The following KLHL14 variants were observed in gnomAD, a reference collection of about 807,000 sequenced individuals.
KLHL14 encodes the protein kelch-like protein 14.
KLHL14 carries 22 observed loss-of-function variants against 64.3 expected under a neutral mutation model. The ratio of observed to expected loss-of-function variants is 0.34; its 90% CI spans 0.24 to 0.49. The LOEUF (loss-of-function observed/expected upper bound fraction) is 0.49. Among genes scored for constraint, KLHL14 ranks in the 20% least tolerant of loss-of-function variants. The pLI, the probability that KLHL14 is intolerant of heterozygous loss-of-function variation, is 0.99. For synonymous variants in KLHL14, 322 were observed against 333.4 expected (o/e 0.97, Z 0.37); for missense variants, 661 against 789.0 (o/e 0.84, Z 1.94).
intron 3 of KLHL14, among the ~76,000 whole-genome samples, chr18:32,697,570 G>A (rs1459381172): frequency 2.0e-5 from 3 of 151,816 alleles, no homozygotes; most frequent in African/African-American, 4.8e-5. Context: ...AATGAAAAAC[G>A]GTATTATCTT....
At chr18:32,761,569 G>GA (rs569091343) in intron 2 of KLHL14, among the ~76,000 whole-genome samples, 95 of 152,166 alleles carry the variant, frequency 6.2e-4, no homozygotes, top group Non-Finnish European at 1.0e-3. Flanking sequence ...TTGTTGCAGA[G>GA]AAAGTCTTCT....
chr18:32,771,805 G>C lies in KLHL14; in HGVS notation c.-44+862C>G, dbSNP rs1382279312. Among the ~76,000 whole-genome samples the C allele has an allele frequency of 2.6e-5, 4 of 151,360 alleles. No individual in the cohort carries two copies. The South Asian group carries it at 8.4e-4, about 32-fold the overall frequency. On this transcript the variant is annotated intron_variant, in intron 1 of 8. Transcript: ENST00000359358. ...GGTGGGGGCTGTCGAACGAGCGGGG[G>C]GGCGGGGGAGCAGTGGGGTGCGGGG... is the stretch of plus-strand genomic sequence containing the variant.
chr18:32,727,264 G>A (rs1314505004), intron 3 of KLHL14, among the ~76,000 whole-genome samples: 1 of 152,216 alleles, frequency 6.6e-6, no homozygotes, highest in Non-Finnish European at 1.5e-5. Flanking sequence ...ACTCTGCCTA[G>A]CAAAAGTACT....
chr18:32,708,618 C>T (rs1189011633), intron 3 of KLHL14, among the ~76,000 whole-genome samples: 1 of 152,188 alleles, frequency 6.6e-6, no homozygotes, highest in Non-Finnish European at 1.5e-5. Context: ...TAGAGCACCC[C>T]ACTACCTGAC....
chr18:32,698,033 T>C (rs1054086031), intron 3 of KLHL14, among the ~76,000 whole-genome samples: 1 of 152,236 alleles, frequency 6.6e-6, no homozygotes, highest in Admixed American at 6.5e-5. Context: ...TTATTCTGAA[T>C]GTAAAACTCT....
chr18:32,751,050 G>A (rs1441288860), intron 2 of KLHL14, among the ~76,000 whole-genome samples: 1 of 152,142 alleles, frequency 6.6e-6, no homozygotes, highest in Non-Finnish European at 1.5e-5. Context: ...GTCCAGATCT[G>A]GAAAAATGTG....
In KLHL14 at chr18:32,698,133, A is replaced by G. The variant is rs570164102; in HGVS notation, c.1070-2581T>C. Among the ~76,000 whole-genome samples, 283 of 152,340 alleles carry G rather than the reference A, an allele frequency of 1.9e-3. 1 individual carries two copies. The highest frequency in any genetic ancestry group is 6.4e-3 in the African/African-American group (268 of 41,574). On this transcript the variant is annotated intron_variant, in intron 3 of 8. Coordinates refer to ENST00000359358, the MANE Select transcript of KLHL14 (RefSeq NM_020805.3). ...TTTGACTTCTGATTAAGCCCAAAGAAAAGCAAAATAAATAGGGTAGTGAAC... is the reference window on the plus strand; with the variant it reads ...TTTGACTTCTGATTAAGCCCAAAGAGAAGCAAAATAAATAGGGTAGTGAAC...
intron 3 of KLHL14, among the ~76,000 whole-genome samples, chr18:32,718,688 A>G (rs2050058597): frequency 6.6e-6 from 1 of 152,254 alleles, no homozygotes; most frequent in East Asian, 1.9e-4. Context: ...TTTCTTTTAC[A>G]CAGAAAGCAA....
chr18:32,694,292 A>ACT (rs2049926622), intron 4 of KLHL14, among the ~76,000 whole-genome samples: 1 of 152,242 alleles, frequency 6.6e-6, no homozygotes, highest in Admixed American at 6.5e-5. Flanking sequence ...TTCCAGTTCA[A>ACT]ATCACATCTA....
At chr18:32,733,836 T>C (rs1296161874) in intron 3 of KLHL14, 2 of 253,784 alleles carry the variant, frequency 7.9e-6, no homozygotes, top group African/African-American at 4.3e-5. Context: ...CTTCATAATG[T>C]CTATTTGGTA....
Position 32,770,219 on chromosome 18 carries a change from G to C in KLHL14, c.373C>G (p.Leu125Val), listed in dbSNP as rs778970024. Reference sequence around the variant, plus strand: ...ATGGACGAGCAGCCCTGCAGCACCAGGTTGTTGATGGCCCGGGGGCTGGTC... The same window carrying C: ...ATGGACGAGCAGCCCTGCAGCACCACGTTGTTGATGGCCCGGGGGCTGGTC... ...LLTSPRAINN[L>V]VLQGCSSIGL... The change falls in exon 2 of 9, where the codon CTG becomes GTG. Residue 125 changes from leucine (L) to valine (V), a missense_variant. Leu to Val is a conservative substitution (Grantham distance 32, BLOSUM62 1). Coordinates refer to ENST00000359358, the MANE Select transcript of KLHL14 (RefSeq NM_020805.3). The surrounding 1 kb of genome is among the most constrained non-coding windows in gnomAD (Gnocchi z 6.7). 1.9e-6 allele frequency: 3 copies of C among 1,608,572 alleles called. No individual in the cohort carries two copies. In the African/African-American group the frequency reaches 4.0e-5, roughly 21 times the overall value.
In KLHL14 at chr18:32,695,467, C is replaced by T. The variant is rs746518449; in HGVS notation, c.1155G>A (p.Pro385=). The T allele has an allele frequency of 9.4e-6, 15 of 1,603,524 alleles. No individual in the cohort carries two copies. The highest frequency in any genetic ancestry group is 8.9e-5 in the East Asian group (4 of 44,732). The change falls in exon 4 of 9, where the codon CCG becomes CCA. Residue 385 remains proline, a synonymous_variant. Transcript: ENST00000359358. ...ATTAAGTTGTTCAATAGTTACCATTCGGATTCCACTGGTCCTCTCCACCCA... is the reference window on the plus strand; with the variant it reads ...ATTAAGTTGTTCAATAGTTACCATTTGGATTCCACTGGTCCTCTCCACCCA... ...FVLGGEDQWN[P]NGKHSTNFVS...
At chr18:32,686,177 A>ATTTTTTTTTTTTTTTTTTTTT (rs148393455) in intron 5 of KLHL14, among the ~76,000 whole-genome samples, 2 of 107,674 alleles carry the variant, frequency 1.9e-5, no homozygotes, top group Non-Finnish European at 3.6e-5. Flanking sequence ...GTGCCCGGCT[A>ATTTTTTTTTTTTTTTTTTTTT]TTTTTTTTTT....
At chr18:32,690,112 G>A (rs999947023) in intron 4 of KLHL14, among the ~76,000 whole-genome samples, 6 of 152,072 alleles carry the variant, frequency 3.9e-5, no homozygotes, top group Non-Finnish European at 7.4e-5. Flanking sequence ...ACAAAAGGGC[G>A]GCAGGTTTAT....
At chr18:32,734,596 A>G (rs2144523338) in intron 3 of KLHL14, among the ~76,000 whole-genome samples, 1 of 152,350 alleles carries the variant, frequency 6.6e-6, no homozygotes, top group Admixed American at 6.5e-5. Flanking sequence ...AGCAGAAGAT[A>G]AGATTCAATA....
intron 2 of KLHL14, among the ~76,000 whole-genome samples, chr18:32,766,453 A>G (rs968502433): frequency 6.6e-6 from 1 of 152,048 alleles, no homozygotes; most frequent in African/African-American, 2.4e-5. Context: ...AGCTGATTTA[A>G]TCTATCCATC....
In KLHL14 at chr18:32,728,944, C is replaced by T. The variant is rs181837922; in HGVS notation, c.1069+12984G>A. On this transcript the variant is annotated intron_variant, in intron 3 of 8. Transcript: ENST00000359358. ...TCTCCCCTAGAGTCTTTGGAGGGAG[C>T]ACGGCCCTGCTGACACCTTCATTTC... 3.2e-3 allele frequency among the ~76,000 whole-genome samples: 489 copies of T among 152,308 alleles called. 2 individuals carry two copies. The highest frequency in any genetic ancestry group is 5.1e-3 in the Non-Finnish European group (345 of 68,030).
chr18:32,754,116 T>C (rs780185537), intron 2 of KLHL14, among the ~76,000 whole-genome samples: 4 of 152,174 alleles, frequency 2.6e-5, no homozygotes, highest in Non-Finnish European at 5.9e-5. Context: ...TCAAGAGAGA[T>C]GTGGTTCTGT....
intron 2 of KLHL14, among the ~76,000 whole-genome samples, chr18:32,766,702 T>A (rs1425688755): frequency 6.6e-6 from 1 of 152,118 alleles, no homozygotes; most frequent in African/African-American, 2.4e-5. Context: ...CTTATTGTCC[T>A]TATGTTAAGT....
Sources: allele counts gnomAD v4.1 joint callset (sites outside exome capture counted in the v4.1 genomes callset), GRCh38; gene constraint gnomAD v4.1.1; non-coding constraint Gnocchi (gnomAD v3.1); transcripts MANE v1.5; gene names NCBI Gene and HGNC (gene_info 2026-07-23, HGNC 2026-07-21).